Variants in CLVS1 observed in about 807,000 individuals in gnomAD.
CLVS1 encodes clavesin 1.
In CLVS1, 10 loss-of-function variants were observed where a neutral mutation model predicts 33.1. The observed-to-expected ratio is 0.30, with a 90% CI of 0.19 to 0.51. CLVS1 has a LOEUF of 0.51. CLVS1 is among the 20% of genes least tolerant of loss of function. The pLI is 0.97. For synonymous variants in CLVS1, 163 were observed against 166.1 expected (o/e 0.98, Z 0.14); for missense variants, 343 against 433.4 (o/e 0.79, Z 1.85).
chr8:61,104,871 C>T (rs957551974), intron 1 of CLVS1, among the ~76,000 whole-genome samples: 1 of 152,134 alleles, frequency 6.6e-6, no homozygotes, highest in African/African-American at 2.4e-5. Context: ...CTCTGTTGCC[C>T]AGGCTGGAGT....
intron 2 of CLVS1, among the ~76,000 whole-genome samples, chr8:61,250,812 AG>A (rs1199854995): frequency 6.6e-6 from 1 of 152,252 alleles, no homozygotes; most frequent in East Asian, 1.9e-4. Context: ...AAGGAGATTT[AG>A]GGCTGAGAGG....
intron 3 of CLVS1, among the ~76,000 whole-genome samples, chr8:61,421,302 C>A (rs909484887): frequency 6.6e-6 from 1 of 152,158 alleles, no homozygotes; most frequent in African/African-American, 2.4e-5. Flanking sequence ...CATGGTGCAG[C>A]AAAGTGGGCC....
intron 2 of CLVS1, among the ~76,000 whole-genome samples, chr8:61,273,463 C>T (rs1017796096): frequency 1.3e-5 from 2 of 152,186 alleles, no homozygotes; most frequent in Non-Finnish European, 2.9e-5. Flanking sequence ...TGCCCTGCCC[C>T]CAGAGGTGGA....
chr8:61,000,628 T>C, the CLVS1 span, among the ~76,000 whole-genome samples: 2 of 151,440 alleles, frequency 1.3e-5, no homozygotes, highest in South Asian at 2.1e-4. Context: ...TGTCATCTAA[T>C]GCAAAACAGT....
chr8:61,062,950 T>C (rs769391680), intron 1 of CLVS1, among the ~76,000 whole-genome samples: 4 of 152,176 alleles, frequency 2.6e-5, no homozygotes, highest in Non-Finnish European at 4.4e-5. Context: ...ATTTTATTGT[T>C]TATTGTGTAT....
chr8:61,135,600 A>C (rs1051699841), intron 2 of CLVS1, among the ~76,000 whole-genome samples: 2 of 152,252 alleles, frequency 1.3e-5, no homozygotes, highest in African/African-American at 4.8e-5. Context: ...AAATCAGGTC[A>C]GATGACATCA....
chr8:61,201,282 C>G (rs1035817707), intron 2 of CLVS1, among the ~76,000 whole-genome samples: 2 of 152,100 alleles, frequency 1.3e-5, no homozygotes, highest in African/African-American at 4.8e-5. Flanking sequence ...GGAGGCCCAG[C>G]CAACTTAGTG....
At chr8:61,212,386 G>A (rs548011442) in intron 2 of CLVS1, among the ~76,000 whole-genome samples, 8 of 152,196 alleles carry the variant, frequency 5.3e-5, no homozygotes, top group Non-Finnish European at 1.2e-4. Context: ...GAGTGTGCAG[G>A]AGAAACCCCA....
intron 5 of CLVS1, among the ~76,000 whole-genome samples, chr8:61,480,295 C>T (rs1157257165): frequency 1.3e-5 from 2 of 152,150 alleles, no homozygotes; most frequent in African/African-American, 2.4e-5. Context: ...GGCACCCCTC[C>T]CCCAGCCTCG....
At chr8:61,236,363 A>G (rs554300678) in intron 2 of CLVS1, among the ~76,000 whole-genome samples, 1 of 152,316 alleles carries the variant, frequency 6.6e-6, no homozygotes, top group Non-Finnish European at 1.5e-5. Context: ...CAGCTCGTAC[A>G]TCATGGGGTC....
chr8:61,484,540 C>T (rs201633791), intron 5 of CLVS1, among the ~76,000 whole-genome samples: 24 of 152,184 alleles, frequency 1.6e-4, no homozygotes, highest in South Asian at 4.1e-4. Context: ...ACAGATTCAA[C>T]GCCATCCCCA....
At chr8:61,157,311 C>T (rs1231007674) in intron 2 of CLVS1, among the ~76,000 whole-genome samples, 1 of 152,262 alleles carries the variant, frequency 6.6e-6, no homozygotes, top group East Asian at 1.9e-4. Flanking sequence ...ATCTCTTCAA[C>T]TAATTGTGCT....
intron 2 of CLVS1, among the ~76,000 whole-genome samples, chr8:61,260,905 C>A (rs60119726): frequency 0.27 from 41,235 of 152,052 alleles, 8,075 homozygotes; most frequent in East Asian, 0.85. Flanking sequence ...CAAAGCTTTG[C>A]AAACTTGGTG....
chr8:60,974,659 CA>C, the CLVS1 span, among the ~76,000 whole-genome samples: 1 of 151,638 alleles, frequency 6.6e-6, no homozygotes, highest in Admixed American at 6.6e-5. Context: ...TGGTTTTAGT[CA>C]ACTGGTTTAT....
At chr8:61,433,541 C>A (rs1422677032) in intron 3 of CLVS1, among the ~76,000 whole-genome samples, 2 of 152,086 alleles carry the variant, frequency 1.3e-5, no homozygotes, top group Non-Finnish European at 2.9e-5. Flanking sequence ...CTCAAGAGAA[C>A]TAAATAGATA....
At chr8:61,081,002 T>C (rs190194627) in intron 1 of CLVS1, among the ~76,000 whole-genome samples, 1 of 152,342 alleles carries the variant, frequency 6.6e-6, no homozygotes, top group East Asian at 1.9e-4. Flanking sequence ...AAGAAATGGC[T>C]GAGTGTTCAG....
At chr8:60,979,986 C>G in the CLVS1 span, among the ~76,000 whole-genome samples, 2 of 152,146 alleles carry the variant, frequency 1.3e-5, no homozygotes, top group African/African-American at 4.8e-5. Context: ...GATCTCTGCC[C>G]TTTTTCACTT....
At chr8:61,074,769 C>G (rs1804877952) in intron 1 of CLVS1, among the ~76,000 whole-genome samples, 1 of 151,916 alleles carries the variant, frequency 6.6e-6, no homozygotes, top group South Asian at 2.1e-4. Context: ...AATAATATTA[C>G]CTTGCAGGAT....
At chr8:61,062,928 C>T (rs1034437485) in intron 1 of CLVS1, among the ~76,000 whole-genome samples, 2 of 152,100 alleles carry the variant, frequency 1.3e-5, no homozygotes, top group African/African-American at 4.8e-5. Context: ...TATGCATTTC[C>T]TTTCTTTAAA....
Sources: gnomAD v4.1 joint callset for allele counts (sites outside exome capture counted in the v4.1 genomes callset) on GRCh38, gnomAD v4.1.1 for gene constraint, MANE v1.5 for transcripts, NCBI Gene and HGNC (gene_info 2026-07-23, HGNC 2026-07-21) for gene names.